Variants in GPC5 observed in about 807,000 individuals in gnomAD.
GPC5 encodes the protein glypican-5.
A neutral mutation model predicts 53.9 loss-of-function variants in GPC5; 47 were observed. That is an observed-to-expected ratio of 0.87 (90% CI 0.69 to 1.11). The LOEUF is 1.11. Among genes scored for constraint, GPC5 ranks in the 50% most tolerant of loss-of-function variants. The pLI is 0.00. For synonymous variants in GPC5, 286 were observed against 263.3 expected (o/e 1.09, Z -0.84); for missense variants, 748 against 713.1 (o/e 1.05, Z -0.56).
chr13:92,753,613 A>T, intron 7 of GPC5, among the ~76,000 whole-genome samples: 1 of 152,108 alleles, frequency 6.6e-6, no homozygotes, highest in Non-Finnish European at 1.5e-5. Flanking sequence ...AACTAGAATA[A>T]CCAATACAAA....
At chr13:92,009,165 G>C (rs1307573081) in intron 6 of GPC5, among the ~76,000 whole-genome samples, 3 of 151,640 alleles carry the variant, frequency 2.0e-5, no homozygotes, top group Non-Finnish European at 1.5e-5. Context: ...TCTTGGTTAA[G>C]AGTTCACTTT....
At chr13:92,104,098 C>G (rs2041488463) in intron 6 of GPC5, among the ~76,000 whole-genome samples, 1 of 152,088 alleles carries the variant, frequency 6.6e-6, no homozygotes, top group Non-Finnish European at 1.5e-5. Flanking sequence ...AAACTCACAG[C>G]CTGTAAGTAG....
At chr13:92,508,845 A>G (rs764739567) in intron 7 of GPC5, among the ~76,000 whole-genome samples, 2 of 152,220 alleles carry the variant, frequency 1.3e-5, no homozygotes, top group Non-Finnish European at 2.9e-5. Flanking sequence ...CTAAAACAGG[A>G]AAAGTAATTG....
At chr13:91,677,253 T>C (rs1034447532) in intron 2 of GPC5, among the ~76,000 whole-genome samples, 2 of 152,178 alleles carry the variant, frequency 1.3e-5, no homozygotes, top group Admixed American at 6.5e-5. Context: ...ATCTCGACCT[T>C]GGTGAGTACC....
chr13:91,826,188 G>C (rs57485792), intron 5 of GPC5, among the ~76,000 whole-genome samples: 90,900 of 149,588 alleles, frequency 0.61, 28,014 homozygotes, highest in East Asian at 0.95. Flanking sequence ...TTAAATAAAT[G>C]ATGAGATGTC....
At chr13:91,490,807 G>GT (rs1472413678) in intron 2 of GPC5, among the ~76,000 whole-genome samples, 1 of 152,054 alleles carries the variant, frequency 6.6e-6, no homozygotes, top group Admixed American at 6.6e-5. Flanking sequence ...GCTTCTTCTT[G>GT]TTTCTTCTTT....
intron 7 of GPC5, among the ~76,000 whole-genome samples, chr13:92,663,614 CTACTATATATATACTATATAT>C (rs1886428310): frequency 5.1e-5 from 4 of 78,540 alleles, no homozygotes; most frequent in Non-Finnish European, 9.5e-5. Context: ...ATATATATAT[CTACTATATATATACTATATAT>C]ACACACTATA....
intron 4 of GPC5, among the ~76,000 whole-genome samples, chr13:91,741,382 T>G (rs2036929906): frequency 6.6e-6 from 1 of 152,192 alleles, no homozygotes; most frequent in South Asian, 2.1e-4. Context: ...CACTTGAAAT[T>G]GCAGTTTAAT....
chr13:92,073,200 T>G (rs12427492), intron 6 of GPC5, among the ~76,000 whole-genome samples: 56,647 of 152,092 alleles, frequency 0.37, 11,400 homozygotes, highest in Admixed American at 0.47. Context: ...AGTACATTAT[T>G]TTTGAATTCT....
intron 7 of GPC5, among the ~76,000 whole-genome samples, chr13:92,313,009 C>A (rs9523622): frequency 0.5 from 75,237 of 151,936 alleles, 20,918 homozygotes; most frequent in African/African-American, 0.77. Flanking sequence ...GTGTAATTCA[C>A]ATATTAATGT....
At chr13:91,468,904 G>T (rs1882424531) in intron 2 of GPC5, among the ~76,000 whole-genome samples, 1 of 144,750 alleles carries the variant, frequency 6.9e-6, no homozygotes, top group African/African-American at 2.6e-5. Flanking sequence ...ATGAGACAGG[G>T]TTTCATTCTG....
chr13:92,162,082 A>G (rs553810791), intron 7 of GPC5, among the ~76,000 whole-genome samples: 1 of 141,946 alleles, frequency 7.0e-6, no homozygotes, highest in South Asian at 2.2e-4. Flanking sequence ...TTATTGTTCC[A>G]TACCTTTATG....
chr13:91,879,426 G>A (rs2039240928), intron 5 of GPC5, among the ~76,000 whole-genome samples: 1 of 152,118 alleles, frequency 6.6e-6, no homozygotes, highest in Non-Finnish European at 1.5e-5. Context: ...TAGACTTTGT[G>A]GCTTATAAAC....
At chr13:91,556,186 A>G (rs1420711167) in intron 2 of GPC5, among the ~76,000 whole-genome samples, 1 of 150,702 alleles carries the variant, frequency 6.6e-6, no homozygotes. Context: ...TGACCATTTG[A>G]GAGTGGCTTT....
rs142306788 is a variant in GPC5 at position 92,118,456 on chromosome 13, C to T, written c.1402-26374C>T. On this transcript the variant is annotated intron_variant, in intron 6 of 7. Coordinates refer to ENST00000377067, the MANE Select transcript of GPC5 (RefSeq NM_004466.6). ...TTCTCTCTCTCGAAGTTCTAAGTGCCTGTGCATTGCTGCCACTACACAGCT... is the reference window on the plus strand; with the variant it reads ...TTCTCTCTCTCGAAGTTCTAAGTGCTTGTGCATTGCTGCCACTACACAGCT... Among the ~76,000 whole-genome samples, 779 of 152,174 alleles carry T rather than the reference C, an allele frequency of 5.1e-3. 4 individuals are homozygous for T. The highest frequency in any genetic ancestry group is 8.1e-3 in the Non-Finnish European group (549 of 68,004).
At chr13:92,752,922 T>C (rs1031543137) in intron 7 of GPC5, among the ~76,000 whole-genome samples, 23 of 152,082 alleles carry the variant, frequency 1.5e-4, no homozygotes, top group Non-Finnish European at 2.6e-4. Flanking sequence ...GAGGGGCGCA[T>C]ACCATTGCCC....
At chr13:92,862,188 A>T (rs1879202821) in intron 7 of GPC5, among the ~76,000 whole-genome samples, 1 of 152,296 alleles carries the variant, frequency 6.6e-6, no homozygotes, top group Non-Finnish European at 1.5e-5. Flanking sequence ...CCTGTTCCAA[A>T]TATTTAGAAT....
chr13:91,647,085 G>C (rs1209741834), intron 2 of GPC5, among the ~76,000 whole-genome samples: 2 of 83,896 alleles, frequency 2.4e-5, no homozygotes, highest in Non-Finnish European at 4.4e-5. Flanking sequence ...GTGTGTGTGT[G>C]TGTGTGTGTG....
At chr13:91,741,954 A>G (rs865953550) in intron 4 of GPC5, among the ~76,000 whole-genome samples, 1 of 152,152 alleles carries the variant, frequency 6.6e-6, no homozygotes, top group Admixed American at 6.6e-5. Flanking sequence ...ATCATTATTT[A>G]TTACCTGTAA....
Sources: gnomAD v4.1 joint callset for allele counts (sites outside exome capture counted in the v4.1 genomes callset) on GRCh38, gnomAD v4.1.1 for gene constraint, MANE v1.5 for transcripts, NCBI Gene and HGNC (gene_info 2026-07-23, HGNC 2026-07-21) for gene names.